The following RANBP2 variants were observed in gnomAD, a reference collection of about 807,000 sequenced individuals.
The protein encoded by RANBP2 is RAN binding protein 2, also known as E3 SUMO-protein ligase RanBP2.
A neutral mutation model predicts 303.6 loss-of-function variants in RANBP2; 57 were observed. That is an observed-to-expected ratio of 0.19 (90% CI 0.15 to 0.23). The LOEUF (loss-of-function observed/expected upper bound fraction) is 0.23. Ranked by LOEUF, RANBP2 falls within the 10% of genes least tolerant of loss-of-function variation. RANBP2 has a pLI of 1.00. For synonymous variants in RANBP2, 1,167 were observed against 1,301.5 expected, an observed-to-expected ratio of 0.90 and a Z score of 2.23; for missense variants, 3,138 against 3,780.8, an observed-to-expected ratio of 0.83 and a Z score of 4.46.
chr2:108,873,433 T>G, the RANBP2 span: 1 of 1,570,380 alleles, frequency 6.4e-7, no homozygotes, highest in Non-Finnish European at 8.6e-7. Context: ...AGTAAAGCAC[T>G]GTTGATTTGT....
At chr2:109,132,961 A>C in the RANBP2 span, among the ~76,000 whole-genome samples, 1 of 152,348 alleles carries the variant, frequency 6.6e-6, no homozygotes, top group East Asian at 1.9e-4. Context: ...TTGTTTTGAA[A>C]ATTTTTTAAA....
chr2:109,538,305 T>C, the RANBP2 span, among the ~76,000 whole-genome samples: 151 of 152,338 alleles, frequency 9.9e-4, no homozygotes, highest in African/African-American at 3.6e-3. Context: ...GGATCATTTT[T>C]CTATCTCAAG....
At chr2:109,376,571 T>G in the RANBP2 span, among the ~76,000 whole-genome samples, 1 of 152,210 alleles carries the variant, frequency 6.6e-6, no homozygotes. Flanking sequence ...TAGACACAAG[T>G]GTCAAGCTCT....
At chr2:109,238,006 A>G in the RANBP2 span, among the ~76,000 whole-genome samples, 1,532 of 152,312 alleles carry the variant, frequency 0.01, 11 homozygotes, top group South Asian at 0.024. Flanking sequence ...AGGAGTTCAA[A>G]ATCAGCCTGG....
At chr2:108,906,312 C>T in the RANBP2 span, 1 of 1,614,198 alleles carries the variant, frequency 6.2e-7, no homozygotes, top group South Asian at 1.1e-5. Context: ...GCTTACCTTC[C>T]ACGACTCCAC....
chr2:108,971,589 G>T, the RANBP2 span, among the ~76,000 whole-genome samples: 3 of 152,170 alleles, frequency 2.0e-5, no homozygotes, highest in African/African-American at 7.2e-5. Context: ...ATGAAGGTGT[G>T]AGGGTGTGAG....
the RANBP2 span, among the ~76,000 whole-genome samples, chr2:108,866,076 T>A: frequency 6.6e-6 from 1 of 152,194 alleles, no homozygotes; most frequent in Non-Finnish European, 1.5e-5. Flanking sequence ...TTACTGGCTT[T>A]GATGTGACTG....
chr2:108,923,324 G>A, the RANBP2 span: 38 of 1,580,760 alleles, frequency 2.4e-5, no homozygotes, highest in South Asian at 6.6e-5. Context: ...AAAGGGATCC[G>A]TGCTGAACAA....
At position 108,750,613 on chromosome 2, in the gene RANBP2, A is replaced by T. The variant is rs1269667620; in HGVS notation, c.1274-651A>T. ...TTTTCTTTTCTTTTCTTTGAGACAG[A>T]GTCTCGCTCTGTCACCCAGGCTGGA... On this transcript the variant is annotated intron_variant, in intron 9 of 28. Coordinates refer to ENST00000283195, the MANE Select transcript of RANBP2 (RefSeq NM_006267.5). 2.9e-5 allele frequency among the ~76,000 whole-genome samples: 3 copies of T among 103,874 alleles called. No homozygotes were observed. The South Asian group carries it at 1.1e-3, about 38-fold the overall frequency. 68.1% of individuals were successfully genotyped at this position (103,874 alleles called of 152,430 possible).
At chr2:109,226,133 G>A in the RANBP2 span, among the ~76,000 whole-genome samples, 2 of 152,210 alleles carry the variant, frequency 1.3e-5, no homozygotes, top group Non-Finnish European at 2.9e-5. Context: ...AAATGTCAGA[G>A]GAGGTTGTCC....
the RANBP2 span, chr2:109,129,230 G>C: frequency 1.8e-6 from 1 of 554,152 alleles, no homozygotes; most frequent in Admixed American, 2.8e-5. Context: ...CTTCGTGCCC[G>C]GCAGCACCCC....
the RANBP2 span, among the ~76,000 whole-genome samples, chr2:109,623,277 C>G: frequency 0.057 from 8,655 of 152,248 alleles, 692 homozygotes; most frequent in East Asian, 0.24. Context: ...CCCATACCCA[C>G]CCCCGGCCAC....
chr2:108,884,658 A>G, the RANBP2 span: 1 of 152,362 alleles, frequency 6.6e-6, no homozygotes, highest in Non-Finnish European at 1.5e-5. Context: ...GCCAAGGAGC[A>G]AATGACACAT....
chr2:108,921,827 C>G, the RANBP2 span, among the ~76,000 whole-genome samples: 2 of 152,256 alleles, frequency 1.3e-5, no homozygotes, highest in East Asian at 1.9e-4. Flanking sequence ...AAGCCGAGGT[C>G]TGGGGCCTTG....
chr2:108,734,289 AAGTG>A (rs1177993967), intron 4 of RANBP2, among the ~76,000 whole-genome samples: 1 of 152,080 alleles, frequency 6.6e-6, no homozygotes, highest in Non-Finnish European at 1.5e-5. Flanking sequence ...TATAAGTTGA[AAGTG>A]AGGGTCAAAG....
the RANBP2 span, among the ~76,000 whole-genome samples, chr2:108,830,292 G>A: frequency 2.6e-5 from 4 of 152,208 alleles, no homozygotes; most frequent in African/African-American, 7.2e-5. Context: ...TGGATACAGA[G>A]TTTCATTTTG....
chr2:109,441,986 ATAG>A, the RANBP2 span, among the ~76,000 whole-genome samples: 1 of 148,114 alleles, frequency 6.8e-6, no homozygotes, highest in African/African-American at 2.6e-5. Flanking sequence ...TTATTCAGAA[ATAG>A]TAAAACTAAA....
the RANBP2 span, among the ~76,000 whole-genome samples, chr2:108,810,905 G>T: frequency 6.6e-6 from 1 of 152,032 alleles, no homozygotes; most frequent in African/African-American, 2.4e-5. Flanking sequence ...TCTTGGTTCA[G>T]TCTTACGTTA....
the RANBP2 span, among the ~76,000 whole-genome samples, chr2:108,830,006 G>A: frequency 1.3e-5 from 2 of 152,036 alleles, no homozygotes; most frequent in South Asian, 2.1e-4. Flanking sequence ...ATAAAAAGAA[G>A]GTGGACACAA....
Sources: allele counts gnomAD v4.1 joint callset (sites outside exome capture counted in the v4.1 genomes callset), GRCh38; gene constraint gnomAD v4.1.1; transcripts MANE v1.5; gene names NCBI Gene and HGNC (gene_info 2026-07-23, HGNC 2026-07-21).